Variants in CFAP47 observed in about 807,000 individuals in gnomAD.
CFAP47 encodes cilia- and flagella-associated protein 47.
Under a neutral mutation model 148.1 loss-of-function variants are expected in CFAP47, and 29 were observed. The ratio of observed to expected loss-of-function variants is 0.20; its 90% CI spans 0.15 to 0.27. The LOEUF (loss-of-function observed/expected upper bound fraction) is 0.27. CFAP47 is among the 10% of genes least tolerant of loss of function. The pLI is 1.00. For missense variants in CFAP47, 1,872 were observed against 1,697.5 expected (o/e 1.10, Z -1.81); for synonymous variants, 664 against 577.3 (o/e 1.15, Z -2.15).
chrX:36,194,484 A>G (rs1939898376), intron 42 of CFAP47, among the ~76,000 whole-genome samples: 1 of 111,580 alleles, frequency 9.0e-6, no homozygotes, highest in Admixed American at 9.6e-5. Context: ...AATTTTCTGT[A>G]TTACTTCATT....
At chrX:36,071,025 C>A (rs2146759890) in intron 27 of CFAP47, among the ~76,000 whole-genome samples, 1 of 112,476 alleles carries the variant, frequency 8.9e-6, no homozygotes, top group African/African-American at 3.2e-5. Flanking sequence ...GCTAGCCCTG[C>A]TCTCCAAGGG....
intron 56 of CFAP47, among the ~76,000 whole-genome samples, chrX:36,315,639 T>C (rs1556010820): frequency 8.9e-6 from 1 of 112,050 alleles, no homozygotes; most frequent in East Asian, 2.8e-4. Flanking sequence ...CACCTGTAAC[T>C]CTTGGATATT....
At position 36,104,514 on chromosome X, in the gene CFAP47, C is replaced by A; in HGVS notation, c.5143C>A (p.Arg1715Ser). 1 of 890,279 alleles carries A rather than the reference C, an allele frequency of 1.1e-6. No individual in the cohort carries two copies. Among genetic ancestry groups the A allele is most frequent in the Non-Finnish European group, 1.5e-6 (1 of 659,607 alleles). 73.4% of individuals were successfully genotyped at this position (890,279 alleles called of 1,213,427 possible). A position where few individuals can be genotyped will look rare whatever the true frequency, so the allele number is the denominator to read the frequency against. ...CCAATTTCAGGTTTTGGTTCTATCC[C>A]GTGTAGTGCCATACTGCAGCAATAA... ...LQIYKVLVLS[R>S]VVPYCSNNMP... The change falls in exon 33 of 64, where the codon CGT (arginine) becomes AGT (serine). Residue 1715 changes from arginine to serine, a missense_variant. Coordinates refer to ENST00000378653, the MANE Select transcript of CFAP47 (RefSeq NM_001304548.2).
chrX:36,169,426 C>T (rs1199893592), intron 39 of CFAP47, among the ~76,000 whole-genome samples: 1 of 110,068 alleles, frequency 9.1e-6, no homozygotes, highest in African/African-American at 3.3e-5. Flanking sequence ...GTCCCACAGG[C>T]ATCTGGAGCT....
At chrX:36,023,459 C>T (rs750983525) in intron 22 of CFAP47, among the ~76,000 whole-genome samples, 3 of 111,408 alleles carry the variant, frequency 2.7e-5, no homozygotes, top group Non-Finnish European at 5.6e-5. Context: ...CACTCCCTGG[C>T]TACCACCTAT....
At chrX:36,364,933 TATATATATATAC>T (rs1421073936) in intron 61 of CFAP47, among the ~76,000 whole-genome samples, 3 of 75,122 alleles carry the variant, frequency 4.0e-5, no homozygotes, top group African/African-American at 1.8e-4. Flanking sequence ...TATATATATA[TATATATATATAC>T]ACACACACAC....
intron 39 of CFAP47, among the ~76,000 whole-genome samples, chrX:36,173,085 G>T (rs767596505): frequency 9.0e-6 from 1 of 110,734 alleles, no homozygotes; most frequent in Non-Finnish European, 1.9e-5. Context: ...GTTTATTTGC[G>T]TAGAGGTGTT....
At chrX:35,940,835 T>C (rs1201117558) in intron 2 of CFAP47, among the ~76,000 whole-genome samples, 1 of 111,663 alleles carries the variant, frequency 9.0e-6, no homozygotes, top group African/African-American at 3.3e-5. Flanking sequence ...GATAATGGAT[T>C]TTTACAAACT....
intron 45 of CFAP47, among the ~76,000 whole-genome samples, chrX:36,210,095 A>G (rs1878855585): frequency 1.8e-5 from 2 of 112,264 alleles, no homozygotes; most frequent in African/African-American, 6.5e-5. Flanking sequence ...TTGTTTATCC[A>G]TTCATCAGTT....
intron 51 of CFAP47, among the ~76,000 whole-genome samples, chrX:36,287,443 C>T (rs1268540784): frequency 1.8e-5 from 2 of 111,360 alleles, no homozygotes; most frequent in African/African-American, 6.5e-5. Flanking sequence ...TTTTATTATT[C>T]GTTATGAACA....
chrX:36,027,560 ATGTG>A lies in CFAP47; in HGVS notation c.3557-3680_3557-3677del, dbSNP rs778554446. On this transcript the variant is annotated intron_variant, in intron 22 of 63. Coordinates refer to ENST00000378653, the MANE Select transcript of CFAP47 (RefSeq NM_001304548.2). ...GAGTACTATTCCATGGTGTGCGTGT[ATGTG>A]TGTGTGTGTGTGCATGCATGTGTGC... is the stretch of plus-strand genomic sequence containing the variant. Among the ~76,000 whole-genome samples the A allele has an allele frequency of 2.8e-5, 3 of 108,193 alleles. No individual in the cohort carries two copies. The East Asian group carries it at 8.8e-4, about 32-fold the overall frequency. The allele number at this position is 108,193 out of a possible 115,157, so 94.0% of individuals were successfully genotyped here.
At chrX:35,990,937 T>G (rs1936782183) in intron 16 of CFAP47, among the ~76,000 whole-genome samples, 1 of 111,799 alleles carries the variant, frequency 8.9e-6, no homozygotes, top group Non-Finnish European at 1.9e-5. Flanking sequence ...TTCATTACCT[T>G]CTCTTCTTTC....
At chrX:36,168,458 GTA>G (rs1352523753) in intron 39 of CFAP47, among the ~76,000 whole-genome samples, 4 of 112,075 alleles carry the variant, frequency 3.6e-5, no homozygotes, top group African/African-American at 9.7e-5. Context: ...TATCTGCAAT[GTA>G]TCTCTTTTTC....
chrX:36,082,369 A>G (rs1250560839), intron 29 of CFAP47, among the ~76,000 whole-genome samples: 1 of 111,748 alleles, frequency 8.9e-6, no homozygotes, highest in African/African-American at 3.2e-5. Context: ...TCACCAGAAG[A>G]TAGAAGTAGC....
chrX:36,014,485 T>C (rs372368540), intron 21 of CFAP47, among the ~76,000 whole-genome samples: 111 of 111,393 alleles, frequency 1.0e-3, no homozygotes, highest in African/African-American at 3.5e-3. Flanking sequence ...TACAAGGATT[T>C]TTTTTCCTAT....
At chrX:36,238,505 T>G (rs1211528480) in intron 48 of CFAP47, among the ~76,000 whole-genome samples, 2 of 112,191 alleles carry the variant, frequency 1.8e-5, no homozygotes, top group Non-Finnish European at 3.8e-5. Flanking sequence ...TGTCCATTCC[T>G]TAGGTTGCCT....
chrX:36,334,116 T>C (rs1941585718), intron 57 of CFAP47, among the ~76,000 whole-genome samples: 1 of 111,856 alleles, frequency 8.9e-6, no homozygotes, highest in East Asian at 2.8e-4. Context: ...CCTCTCACTC[T>C]TGACAGTTTC....
intron 29 of CFAP47, among the ~76,000 whole-genome samples, chrX:36,082,433 T>C (rs1938000288): frequency 9.0e-6 from 1 of 111,439 alleles, no homozygotes; most frequent in African/African-American, 3.3e-5. Context: ...TCACAGAAAA[T>C]GTAGTAAATA....
rs1197756112 is a variant in CFAP47, at chrX:36,267,757, C to T, written c.7445-12730C>T. Among the ~76,000 whole-genome samples, 5 of 111,862 alleles carry T rather than the reference C, an allele frequency of 4.5e-5. No homozygotes were observed. In the Middle Eastern group the frequency reaches 0.019, roughly 424 times the overall value. On this transcript the variant is annotated intron_variant, in intron 49 of 63. Transcript: ENST00000378653. Reference sequence around the variant, plus strand: ...CCTCCCAAAGTGCTGGGATTACAGGCGTGAGCCACCGCGCCCAGCAAAGTG... The same window carrying T: ...CCTCCCAAAGTGCTGGGATTACAGGTGTGAGCCACCGCGCCCAGCAAAGTG...
Sources: allele counts gnomAD v4.1 joint callset (sites outside exome capture counted in the v4.1 genomes callset), GRCh38; gene constraint gnomAD v4.1.1; transcripts MANE v1.5; gene names NCBI Gene and HGNC (gene_info 2026-07-23, HGNC 2026-07-21).